The following ENOX2 variants were observed in gnomAD, a reference collection of about 807,000 sequenced individuals.
ENOX2 encodes the protein ecto-NOX disulfide-thiol exchanger 2.
ENOX2 carries 36 observed loss-of-function variants against 45.0 expected under a neutral mutation model. The observed-to-expected ratio is 0.80, with a 90% CI of 0.61 to 1.06. The LOEUF is 1.06. Ranked by LOEUF, ENOX2 falls within the 50% of genes least tolerant of loss-of-function variation. The probability of loss-of-function intolerance (pLI) is 0.00; values close to 1 mark genes in which losing one functional copy is unlikely to be tolerated. For missense variants in ENOX2, 423 were observed against 462.5 expected (o/e 0.91, Z 0.78); for synonymous variants, 174 against 152.3 (o/e 1.14, Z -1.05).
rs926956988 is a variant in ENOX2, at chrX:130,622,559, G to T, written c.*2755C>A. ...TAAAAAAATCATTTGTAAAACAAAA[G>T]AAACCTTCCATTCATTATTATATTG... On this transcript the variant is annotated 3_prime_UTR_variant, in exon 15 of 15. Coordinates refer to ENST00000394363, the MANE Select transcript of ENOX2 (RefSeq NM_006375.4). Among the ~76,000 whole-genome samples, 1 of 111,661 alleles carries T rather than the reference G, an allele frequency of 9.0e-6. No homozygotes were observed. The highest frequency in any genetic ancestry group is 3.3e-5 in the African/African-American group (1 of 30,729).
At chrX:130,844,169 TAAGAAA>T (rs770007532) in intron 2 of ENOX2, among the ~76,000 whole-genome samples, 1 of 111,933 alleles carries the variant, frequency 8.9e-6, no homozygotes, top group East Asian at 2.8e-4. Flanking sequence ...ACTGTACAAC[TAAGAAA>T]AAGTTCTGTA....
chrX:130,637,632 T>C (rs1206437539), intron 10 of ENOX2, among the ~76,000 whole-genome samples: 4 of 111,579 alleles, frequency 3.6e-5, no homozygotes, highest in African/African-American at 1.3e-4. Flanking sequence ...CCACCTCAAA[T>C]ATAACTAAGA....
intron 2 of ENOX2, among the ~76,000 whole-genome samples, chrX:130,865,926 T>A (rs1346877966): frequency 2.7e-5 from 3 of 111,247 alleles, no homozygotes; most frequent in African/African-American, 9.8e-5. Flanking sequence ...AACTCATTCA[T>A]TTCCTGAAAT....
chrX:130,809,279 A>G (rs762413240), intron 2 of ENOX2, among the ~76,000 whole-genome samples: 1 of 112,573 alleles, frequency 8.9e-6, no homozygotes, highest in Admixed American at 9.4e-5. Flanking sequence ...AAACACAATG[A>G]ACCAGTCACC....
At chrX:130,737,945 A>G (rs895662706) in intron 3 of ENOX2, among the ~76,000 whole-genome samples, 4 of 112,064 alleles carry the variant, frequency 3.6e-5, no homozygotes, top group African/African-American at 1.3e-4. Flanking sequence ...ATGTGATCTA[A>G]GGGCAAAAGA....
chrX:130,701,802 T>G (rs1218625099), intron 4 of ENOX2, among the ~76,000 whole-genome samples: 1 of 112,188 alleles, frequency 8.9e-6, no homozygotes, highest in African/African-American at 3.2e-5. Context: ...AGGAGATCCA[T>G]GGTCCAATCA....
chrX:130,700,001 A>G (rs1231265952), intron 4 of ENOX2, among the ~76,000 whole-genome samples: 3 of 112,249 alleles, frequency 2.7e-5, no homozygotes, highest in Non-Finnish European at 5.6e-5. Context: ...GTATTAACAC[A>G]TGAATCCTCA....
intron 3 of ENOX2, among the ~76,000 whole-genome samples, chrX:130,721,597 C>T (rs994378116): frequency 2.7e-5 from 3 of 111,611 alleles, no homozygotes; most frequent in Non-Finnish European, 3.8e-5. Flanking sequence ...GCAAACATTA[C>T]TGGCTATAGG....
chrX:130,710,215 C>T (rs1379751056), intron 3 of ENOX2, among the ~76,000 whole-genome samples: 1 of 111,829 alleles, frequency 8.9e-6, no homozygotes, highest in African/African-American at 3.2e-5. Context: ...AGAAGTTAAG[C>T]AAGCTATCCA....
chrX:130,830,192 G>C (rs1168319379), intron 2 of ENOX2, among the ~76,000 whole-genome samples: 3 of 111,182 alleles, frequency 2.7e-5, no homozygotes, highest in Non-Finnish European at 3.8e-5. Flanking sequence ...ACCTGCACCT[G>C]AGCTACTAAA....
At chrX:130,805,474 G>A (rs141374200) in intron 2 of ENOX2, among the ~76,000 whole-genome samples, 36 of 111,534 alleles carry the variant, frequency 3.2e-4, no homozygotes, top group Non-Finnish European at 5.7e-4. Flanking sequence ...CCCATTCTAC[G>A]CTCTGCCTGT....
chrX:130,786,981 T>A (rs1038771168), intron 2 of ENOX2, among the ~76,000 whole-genome samples: 4 of 86,110 alleles, frequency 4.6e-5, no homozygotes, highest in African/African-American at 1.7e-4. Context: ...ATCGCCACAC[T>A]GACTTCCACA....
At chrX:130,755,263 G>T (rs973322625) in intron 3 of ENOX2, among the ~76,000 whole-genome samples, 5 of 111,876 alleles carry the variant, frequency 4.5e-5, no homozygotes, top group Non-Finnish European at 9.4e-5. Context: ...GACAGTAAAT[G>T]ACCTTATAAG....
chrX:130,801,232 C>T (rs751415789), intron 2 of ENOX2, among the ~76,000 whole-genome samples: 1 of 112,294 alleles, frequency 8.9e-6, no homozygotes, highest in Non-Finnish European at 1.9e-5. Context: ...TAGAATAACA[C>T]GGCTTAGCAA....
intron 6 of ENOX2, among the ~76,000 whole-genome samples, chrX:130,677,428 G>C (rs905323504): frequency 8.9e-6 from 1 of 112,179 alleles, no homozygotes. Context: ...ACAGAAAAAA[G>C]ATGTTCAATA....
At chrX:130,633,776 T>C (rs1459053353) in intron 12 of ENOX2, among the ~76,000 whole-genome samples, 1 of 112,590 alleles carries the variant, frequency 8.9e-6, no homozygotes, top group Admixed American at 9.4e-5. Context: ...TAATCCATTT[T>C]ATGCAGGAAG....
chrX:130,712,200 T>C (rs1235936950), intron 3 of ENOX2, among the ~76,000 whole-genome samples: 1 of 111,964 alleles, frequency 8.9e-6, no homozygotes, highest in Non-Finnish European at 1.9e-5. Flanking sequence ...GTTAAATGCT[T>C]ATTATGTGCT....
intron 2 of ENOX2, among the ~76,000 whole-genome samples, chrX:130,884,352 A>G (rs2078868056): frequency 8.9e-6 from 1 of 112,381 alleles, no homozygotes; most frequent in Admixed American, 9.4e-5. Context: ...TAAACAGATT[A>G]TAACAATACT....
chrX:130,709,918 C>A, intron 3 of ENOX2, among the ~76,000 whole-genome samples: 1 of 109,779 alleles, frequency 9.1e-6, no homozygotes, highest in Middle Eastern at 4.7e-3. Context: ...CTCTCCTAGC[C>A]CCCCACCCCC....
Sources: allele counts gnomAD v4.1 joint callset (sites outside exome capture counted in the v4.1 genomes callset), GRCh38; gene constraint gnomAD v4.1.1; transcripts MANE v1.5; gene names NCBI Gene and HGNC (gene_info 2026-07-23, HGNC 2026-07-21).